PLCH1: variants seen among roughly 807,000 people sequenced by gnomAD.
PLCH1 encodes the protein phospholipase C eta 1, also known as 1-phosphatidylinositol 4,5-bisphosphate phosphodiesterase eta-1.
PLCH1 carries 60 observed loss-of-function variants against 126.7 expected under a neutral mutation model. The ratio of observed to expected loss-of-function variants is 0.47; its 90% CI spans 0.38 to 0.59. PLCH1 has a LOEUF of 0.59. PLCH1 is among the 20% of genes least tolerant of loss of function. The probability of loss-of-function intolerance (pLI) is 0.00; values close to 1 mark genes in which losing one functional copy is unlikely to be tolerated. For missense variants in PLCH1, 1,723 were observed against 2,040.0 expected, an observed-to-expected ratio of 0.84 and a Z score of 2.99; for synonymous variants, 719 against 734.9, an observed-to-expected ratio of 0.98 and a Z score of 0.35.
chr3:155,487,626 A>G (rs1212948248), intron 21 of PLCH1, among the ~76,000 whole-genome samples: 1 of 152,262 alleles, frequency 6.6e-6, no homozygotes, highest in African/African-American at 2.4e-5. Context: ...CTGGGATCAC[A>G]GCCCAGTTAG....
chr3:155,486,513 G>GT (rs397733786), intron 21 of PLCH1, among the ~76,000 whole-genome samples: 5,563 of 101,900 alleles, frequency 0.055, 239 homozygotes, highest in African/African-American at 0.064. Flanking sequence ...GCTCAAGTTT[G>GT]TTTTTTTTTT....
At chr3:155,488,857 A>G in intron 19 of PLCH1, 51 bp from the exon 20 acceptor site, 2 of 1,533,940 alleles carry the variant, frequency 1.3e-6, no homozygotes, top group Non-Finnish European at 1.8e-6. Context: ...CTTGGCTGAA[A>G]ATGAGTTGGC....
At chr3:155,497,452 G>C (rs1315059992) in intron 14 of PLCH1, 35 bp from the exon 15 acceptor site, 1 of 1,450,200 alleles carries the variant, frequency 6.9e-7, no homozygotes, top group Admixed American at 1.7e-5. Context: ...ATGACATTTT[G>C]GAGTTGAAAG....
At chr3:155,634,102 G>A (rs956259106) in intron 2 of PLCH1, among the ~76,000 whole-genome samples, 1 of 152,116 alleles carries the variant, frequency 6.6e-6, no homozygotes, top group Admixed American at 6.6e-5. Flanking sequence ...AAGAAAACTT[G>A]CATTTCAATA....
chr3:155,722,362 A>G (rs1348529001), intron 1 of PLCH1, among the ~76,000 whole-genome samples: 1 of 152,012 alleles, frequency 6.6e-6, no homozygotes, highest in Admixed American at 6.5e-5. Context: ...GGATTTCTCC[A>G]TGTTGGTCAG....
chr3:155,671,681 G>A (rs1282548912), intron 2 of PLCH1, among the ~76,000 whole-genome samples: 1 of 152,152 alleles, frequency 6.6e-6, no homozygotes, highest in African/African-American at 2.4e-5. Flanking sequence ...CAAAATGTAA[G>A]TGAATTGTTA....
At chr3:155,520,639 C>CA (rs1362451571) in intron 11 of PLCH1, among the ~76,000 whole-genome samples, 1 of 151,966 alleles carries the variant, frequency 6.6e-6, no homozygotes, top group Non-Finnish European at 1.5e-5. Flanking sequence ...TTAGAAGACC[C>CA]ATAAAGATGA....
chr3:155,454,610 G>T (rs1487922755), intron 21 of PLCH1, among the ~76,000 whole-genome samples: 1 of 152,204 alleles, frequency 6.6e-6, no homozygotes, highest in East Asian at 1.9e-4. Context: ...ACCATTTATG[G>T]TAAGGTGTAT....
intron 1 of PLCH1, among the ~76,000 whole-genome samples, chr3:155,705,471 G>A (rs1746592720): frequency 6.6e-6 from 1 of 151,998 alleles, no homozygotes; most frequent in Non-Finnish European, 1.5e-5. Context: ...TCTTACTACT[G>A]TATGGAACTG....
chr3:155,585,465 T>C (rs911054431), intron 5 of PLCH1, among the ~76,000 whole-genome samples: 15 of 152,180 alleles, frequency 9.9e-5, no homozygotes, highest in African/African-American at 3.1e-4. Context: ...GAGAGCTCAC[T>C]TCGGTACTCA....
At chr3:155,465,004 G>A (rs913308274) in intron 21 of PLCH1, among the ~76,000 whole-genome samples, 6 of 151,882 alleles carry the variant, frequency 4.0e-5, no homozygotes, top group Admixed American at 3.9e-4. Flanking sequence ...AGCTGCTGGG[G>A]AGGCTGAGGC....
intron 13 of PLCH1, 96 bp downstream of exon 13, chr3:155,504,459 C>T (rs1010134691): frequency 1.5e-6 from 1 of 681,804 alleles, no homozygotes. Flanking sequence ...GTTAAGAAAT[C>T]TTCAGTTATT....
At chr3:155,700,694 C>A (rs1746206649) in intron 2 of PLCH1, among the ~76,000 whole-genome samples, 1 of 152,094 alleles carries the variant, frequency 6.6e-6, no homozygotes, top group African/African-American at 2.4e-5. Context: ...TAAGAAATTG[C>A]ATGTGCATAT....
intron 10 of PLCH1, among the ~76,000 whole-genome samples, chr3:155,539,239 T>TACCTTA (rs1723882608): frequency 6.6e-6 from 1 of 151,952 alleles, no homozygotes; most frequent in Non-Finnish European, 1.5e-5. Context: ...AAAATCGGCA[T>TACCTTA]AGAAGGGACA....
downstream of PLCH1, among the ~76,000 whole-genome samples, chr3:155,479,699 G>A (rs1046931918): frequency 3.9e-5 from 6 of 152,064 alleles, no homozygotes; most frequent in Admixed American, 2.0e-4. Context: ...CTTTCAAGTC[G>A]CCTCACAAAT....
chr3:155,671,507 A>T (rs185712642), intron 2 of PLCH1, among the ~76,000 whole-genome samples: 1 of 152,342 alleles, frequency 6.6e-6, no homozygotes. Context: ...AAACTTTTAA[A>T]GTCAATCTAT....
At position 155,482,272 on chromosome 3, in the gene PLCH1, C is replaced by T; in HGVS notation, c.3754G>A (p.Ala1252Thr). The change falls in exon 23 of 23, where the codon GCA becomes ACA. Residue 1252 changes from alanine to threonine, a missense_variant. Coordinates refer to ENST00000460012, the MANE Select transcript of PLCH1 (RefSeq NM_014996.4). ...TTGGTGGTCTCAGAACTCGAGAGTG[C>T]TATCAGCTCCGGAGATGAGCACAGG... is the stretch of plus-strand genomic sequence containing the variant. ...SFLCSSPELI[A>T]LSSSETTKHA... 2.5e-6 allele frequency: 4 copies of T among 1,614,124 alleles called. No homozygotes were observed. Among genetic ancestry groups the T allele is most frequent in the Non-Finnish European group, 3.4e-6 (4 of 1,180,002 alleles).
chr3:155,610,364 GAA>G (rs569174791), intron 2 of PLCH1, among the ~76,000 whole-genome samples: 665 of 39,406 alleles, frequency 0.017, 3 homozygotes, highest in African/African-American at 0.087. Flanking sequence ...TGCGTCTGGA[GAA>G]AAAAAAAAAA....
intron 2 of PLCH1, among the ~76,000 whole-genome samples, chr3:155,701,931 T>C (rs555995194): frequency 5.4e-4 from 82 of 152,336 alleles, no homozygotes; most frequent in African/African-American, 1.9e-3. Context: ...ATCAGAAATA[T>C]ATAAAGCTAT....
Sources: gnomAD v4.1 joint callset for allele counts (sites outside exome capture counted in the v4.1 genomes callset) on GRCh38, gnomAD v4.1.1 for gene constraint, MANE v1.5 for transcripts, NCBI Gene and HGNC (gene_info 2026-07-23, HGNC 2026-07-21) for gene names.